The following LPP variants were observed in gnomAD, a reference collection of about 807,000 sequenced individuals.
LPP encodes LIM domain containing preferred translocation partner in lipoma.
In LPP, 38 loss-of-function variants were observed where a neutral mutation model predicts 60.4. The ratio of observed to expected loss-of-function variants is 0.63; its 90% CI spans 0.49 to 0.83. LPP has a LOEUF of 0.83. Ranked by LOEUF, LPP falls within the 40% of genes least tolerant of loss-of-function variation. LPP has a pLI of 0.00. For missense variants in LPP, 902 were observed against 783.6 expected (o/e 1.15, Z -1.80); for synonymous variants, 328 against 290.8 (o/e 1.13, Z -1.30).
Position 188,883,925 on chromosome 3 carries a change from A to G in LPP, c.*9446A>G, listed in dbSNP as rs1331411850. 1 of 215,090 alleles carries G rather than the reference A, an allele frequency of 4.6e-6. No homozygotes were observed. Among genetic ancestry groups the G allele is most frequent in the Non-Finnish European group, 9.4e-6 (1 of 106,784 alleles). 13.3% of individuals were successfully genotyped at this position (215,090 alleles called of 1,614,324 possible). ...GCTATAGTTTTCTATGGAAATGTAC[A>G]AATGCTTTCCTCATTGCTCTGGATG... On this transcript the variant is annotated 3_prime_UTR_variant, in exon 12 of 12. Coordinates refer to ENST00000617246, the MANE Select transcript of LPP (RefSeq NM_001375462.1).
chr3:188,367,723 A>G (rs565147368), intron 3 of LPP, among the ~76,000 whole-genome samples: 1 of 152,330 alleles, frequency 6.6e-6, no homozygotes, highest in Admixed American at 6.5e-5. Context: ...GACTCTTGCT[A>G]TTATTTCCAC....
At chr3:188,489,897 A>T (rs1028874611) in intron 5 of LPP, among the ~76,000 whole-genome samples, 13 of 151,816 alleles carry the variant, frequency 8.6e-5, no homozygotes, top group African/African-American at 1.9e-4. Flanking sequence ...GCTTGCTTTC[A>T]TTTGCCTACT....
intron 1 of LPP, among the ~76,000 whole-genome samples, chr3:188,224,863 A>G (rs958133993): frequency 9.2e-5 from 14 of 152,166 alleles, no homozygotes; most frequent in Admixed American, 8.5e-4. Flanking sequence ...TGCAGGCCCC[A>G]CCTCCAACAG....
At chr3:188,831,259 C>G (rs3907927) in intron 9 of LPP, among the ~76,000 whole-genome samples, 1,639 of 152,272 alleles carry the variant, frequency 0.011, 34 homozygotes, top group African/African-American at 0.038. Flanking sequence ...AGTGTGAAGC[C>G]AGCAAGAGTG....
At chr3:188,578,970 A>G (rs1835410885) in intron 6 of LPP, among the ~76,000 whole-genome samples, 1 of 152,156 alleles carries the variant, frequency 6.6e-6, no homozygotes, top group Non-Finnish European at 1.5e-5. Flanking sequence ...TGGAGTTTTG[A>G]TTTTAGAAAA....
intron 7 of LPP, among the ~76,000 whole-genome samples, chr3:188,699,637 A>G (rs1360894723): frequency 1.3e-5 from 2 of 152,214 alleles, no homozygotes; most frequent in African/African-American, 4.8e-5. Context: ...AATAAAATGG[A>G]ACATAAGAAT....
At chr3:188,418,500 A>G (rs547613951) in intron 4 of LPP, among the ~76,000 whole-genome samples, 2 of 152,284 alleles carry the variant, frequency 1.3e-5, no homozygotes, top group Admixed American at 1.3e-4. Flanking sequence ...AAAGCTGGGA[A>G]TTGAACCCTT....
chr3:188,270,498 G>A (rs775644038), intron 2 of LPP, among the ~76,000 whole-genome samples: 6 of 152,114 alleles, frequency 3.9e-5, no homozygotes, highest in African/African-American at 7.2e-5. Context: ...TGGATTCATC[G>A]GTTTTCCAGT....
intron 2 of LPP, among the ~76,000 whole-genome samples, chr3:188,241,255 T>C (rs1724658694): frequency 6.6e-6 from 1 of 152,216 alleles, no homozygotes; most frequent in African/African-American, 2.4e-5. Context: ...TGCAGCTGTT[T>C]GCCCTGAAGT....
chr3:188,766,652 A>G (rs1349017165), intron 9 of LPP, among the ~76,000 whole-genome samples: 2 of 152,178 alleles, frequency 1.3e-5, no homozygotes, highest in African/African-American at 2.4e-5. Flanking sequence ...TACATCTAAC[A>G]GAAAACACTG....
chr3:188,331,453 T>C (rs971674413), intron 2 of LPP, among the ~76,000 whole-genome samples: 2 of 152,232 alleles, frequency 1.3e-5, no homozygotes, highest in Admixed American at 6.5e-5. Flanking sequence ...TTTTCCCTTG[T>C]ATTACACTAA....
intron 6 of LPP, among the ~76,000 whole-genome samples, chr3:188,584,928 TA>T (rs748800346): frequency 5.3e-5 from 8 of 152,184 alleles, no homozygotes; most frequent in Non-Finnish European, 7.3e-5. Flanking sequence ...TAACACTTTT[TA>T]AAACTAGGAT....
At chr3:188,153,223 G>A (rs1053762858), upstream of LPP, 2 of 152,316 alleles carry the variant, frequency 1.3e-5, no homozygotes, top group Non-Finnish European at 2.9e-5. Context: ...GGGAACCCAA[G>A]TGGGAGGCAG....
At chr3:188,420,502 G>C (rs1006227865) in intron 4 of LPP, among the ~76,000 whole-genome samples, 1 of 152,150 alleles carries the variant, frequency 6.6e-6, no homozygotes, top group South Asian at 2.1e-4. Flanking sequence ...CACAATCTCA[G>C]AAAAATTAAT....
intron 6 of LPP, among the ~76,000 whole-genome samples, chr3:188,605,852 T>G (rs574469244): frequency 4.0e-4 from 61 of 152,256 alleles, no homozygotes; most frequent in African/African-American, 1.3e-3. Context: ...CCAGGGACAT[T>G]TGGTTAACAT....
At chr3:188,242,191 C>T (rs1368714331) in intron 2 of LPP, among the ~76,000 whole-genome samples, 4 of 152,150 alleles carry the variant, frequency 2.6e-5, no homozygotes, top group Non-Finnish European at 5.9e-5. Flanking sequence ...GACACTCAGC[C>T]TTAACATGGG....
chr3:188,731,331 C>G (rs573938957), intron 8 of LPP, among the ~76,000 whole-genome samples: 207 of 152,134 alleles, frequency 1.4e-3, no homozygotes, highest in South Asian at 2.5e-3. Flanking sequence ...GGTATTTCCA[C>G]TGTGGGAAAG....
intron 5 of LPP, among the ~76,000 whole-genome samples, chr3:188,513,127 C>T (rs1816311563): frequency 6.6e-6 from 1 of 152,126 alleles, no homozygotes; most frequent in Non-Finnish European, 1.5e-5. Flanking sequence ...TATCCATGAT[C>T]CTAGATGATC....
intron 2 of LPP, among the ~76,000 whole-genome samples, chr3:188,263,892 G>A (rs375450284): frequency 3.8e-4 from 58 of 152,184 alleles, no homozygotes; most frequent in African/African-American, 1.3e-3. Context: ...CAAATCTTAC[G>A]CATTCTTTTA....
Sources: allele counts gnomAD v4.1 joint callset (sites outside exome capture counted in the v4.1 genomes callset), GRCh38; gene constraint gnomAD v4.1.1; transcripts MANE v1.5; gene names NCBI Gene and HGNC (gene_info 2026-07-23, HGNC 2026-07-21).